SMYD4: variants seen among roughly 807,000 people sequenced by gnomAD.
SMYD4 encodes protein-lysine N-methyltransferase SMYD4.
In SMYD4, 68 loss-of-function variants were observed where a neutral mutation model predicts 72.8. The ratio of observed to expected loss-of-function variants is 0.93; its 90% CI spans 0.77 to 1.14. The LOEUF (loss-of-function observed/expected upper bound fraction) is 1.14, where lower values mean the gene tolerates loss of function less well. SMYD4 is among the 50% of genes most tolerant of loss of function. SMYD4 has a pLI of 0.00. For missense variants in SMYD4, 984 were observed against 1,003.7 expected, an observed-to-expected ratio of 0.98 and a Z score of 0.27; for synonymous variants, 407 against 388.6, an observed-to-expected ratio of 1.05 and a Z score of -0.56.
At chr17:1,784,796 A>C (rs896608320) in intron 7 of SMYD4, among the ~76,000 whole-genome samples, 1 of 151,672 alleles carries the variant, frequency 6.6e-6, no homozygotes, top group Non-Finnish European at 1.5e-5. Context: ...TTTGAGATGG[A>C]GTCTCGCTCG....
At chr17:1,817,510 T>C (rs1300656572) in intron 2 of SMYD4, among the ~76,000 whole-genome samples, 1 of 135,054 alleles carries the variant, frequency 7.4e-6, no homozygotes, top group Non-Finnish European at 1.8e-5. Context: ...CCTGGCTATA[T>C]TATTTGTAGA....
intron 5 of SMYD4, among the ~76,000 whole-genome samples, chr17:1,789,142 C>T (rs915430282): frequency 1.9e-4 from 29 of 152,078 alleles, no homozygotes; most frequent in African/African-American, 6.8e-4. Flanking sequence ...AATCCCAGCA[C>T]TTTGGGAGGC....
At position 1,800,258 on chromosome 17, in the gene SMYD4, A is replaced by G. The variant is rs1407667804; in HGVS notation, c.1136T>C (p.Ile379Thr). The change falls in exon 5 of 11, where the codon ATC (isoleucine) becomes ACC (threonine). Residue 379 changes from isoleucine (I) to threonine (T), a missense_variant. Coordinates refer to ENST00000305513, the MANE Select transcript of SMYD4 (RefSeq NM_052928.3). Reference sequence around the variant, plus strand: ...CTGATTGTTGCTTTCAGGTAAACAGATGTCCTTGTTACTAATCTTATCACA... The same window carrying G: ...CTGATTGTTGCTTTCAGGTAAACAGGTGTCCTTGTTACTAATCTTATCACA... ...KLCDKISNKD[I>T]CLPESNNQVK... 1 of 1,614,108 alleles carries G rather than the reference A, an allele frequency of 6.2e-7. No individual in the cohort carries two copies. The highest frequency in any genetic ancestry group is 1.1e-5 in the South Asian group (1 of 91,080).
intron 5 of SMYD4, among the ~76,000 whole-genome samples, chr17:1,792,046 T>TC (rs955530642): frequency 9.2e-5 from 14 of 151,952 alleles, no homozygotes; most frequent in African/African-American, 3.4e-4. Context: ...AAATACATTT[T>TC]TTTTTTTTTT....
intron 2 of SMYD4, among the ~76,000 whole-genome samples, chr17:1,821,409 G>A (rs1332748365): frequency 2.0e-5 from 3 of 152,068 alleles, no homozygotes; most frequent in Non-Finnish European, 4.4e-5. Context: ...AGCTACTCGG[G>A]AGGTGGAGGC....
At position 1,809,025 on chromosome 17, in the gene SMYD4, C is replaced by T. The variant is rs1017950502; in HGVS notation, c.279+2946G>A. On this transcript the variant is annotated intron_variant, in intron 3 of 10. Coordinates refer to ENST00000305513, the MANE Select transcript of SMYD4 (RefSeq NM_052928.3). ...TGTTAAAGATTCAGAGTAGGATGTA[C>T]ACCCTTCAAATGAAAAACAAATTTT... Among the ~76,000 whole-genome samples, 9 of 152,090 alleles carry T rather than the reference C, an allele frequency of 5.9e-5. No individual in the cohort carries two copies. In the South Asian group the frequency reaches 6.2e-4, roughly 10 times the overall value.
At chr17:1,801,054 C>T (rs749705507) in intron 4 of SMYD4, 30 bp from the exon 5 acceptor site, 2 of 1,550,214 alleles carry the variant, frequency 1.3e-6, no homozygotes, top group Non-Finnish European at 1.8e-6. Flanking sequence ...CCCACAATGA[C>T]CCTTGGTCCC....
At chr17:1,801,433 G>C (rs1464960199) in intron 4 of SMYD4, among the ~76,000 whole-genome samples, 1 of 151,070 alleles carries the variant, frequency 6.6e-6, no homozygotes, top group Non-Finnish European at 1.5e-5. Context: ...GTAGAGACGG[G>C]GTTTTGCCAT....
Position 1,783,078 on chromosome 17 carries a change from T to A in SMYD4, c.2218A>T (p.Met740Leu). 6.2e-7 allele frequency: 1 copy of A among 1,614,182 alleles called. No individual in the cohort carries two copies. Among genetic ancestry groups the A allele is most frequent in the Non-Finnish European group, 8.5e-7 (1 of 1,180,046 alleles). ...EVRHGPSSVEMGHELFKLAQI... is the reference protein window; with the variant it reads ...EVRHGPSSVELGHELFKLAQI... ...GCCAATTTGAAGAGCTCATGGCCCA[T>A]TTCAACACTGGACGGCCCGTGGCGA... The change falls in exon 10 of 11, where the codon ATG (methionine) becomes TTG (leucine). Residue 740 changes from methionine to leucine, a missense_variant. Met to Leu is a conservative substitution (Grantham distance 15, BLOSUM62 2). Coordinates refer to ENST00000305513, the MANE Select transcript of SMYD4 (RefSeq NM_052928.3).
At chr17:1,791,363 T>C (rs1168534108) in intron 5 of SMYD4, among the ~76,000 whole-genome samples, 2 of 152,170 alleles carry the variant, frequency 1.3e-5, no homozygotes, top group Middle Eastern at 3.4e-3. Context: ...TGGGGAACTT[T>C]GATTAAACAG....
chr17:1,800,322 C>T lies in SMYD4; in HGVS notation c.1072G>A (p.Val358Met). ...ATTTTGCGAACATCCTCAAATCCCA[C>T]CAAAAGAGTCAACCTCAGGGCAATG... ...CHIALRLTLL[V>M]GFEDVRKIIT... Residue 358 changes from valine to methionine, a missense_variant, in exon 5 of 11, where the codon GTG becomes ATG. Physicochemically the swap from Val to Met is conservative, Grantham distance 21. Transcript: ENST00000305513. The T allele has an allele frequency of 1.2e-6, 2 of 1,614,088 alleles. No individual in the cohort carries two copies. Among genetic ancestry groups the T allele is most frequent in the African/African-American group, 1.3e-5 (1 of 75,006 alleles).
At chr17:1,804,429 G>C (rs1293189202) in intron 4 of SMYD4, 197 bp downstream of exon 4, 8 of 467,526 alleles carry the variant, frequency 1.7e-5, no homozygotes, top group Non-Finnish European at 3.2e-5. Context: ...CGCCCGCCTT[G>C]ACCTCCCAAA....
intron 1 of SMYD4, among the ~76,000 whole-genome samples, chr17:1,828,979 T>C (rs1236736536): frequency 1.2e-5 from 1 of 82,396 alleles, no homozygotes; most frequent in South Asian, 3.0e-4. Flanking sequence ...AACAAGGTAT[T>C]TCCCTCTCTT....
intron 5 of SMYD4, among the ~76,000 whole-genome samples, chr17:1,787,994 A>G (rs1436152783): frequency 6.6e-6 from 1 of 152,228 alleles, no homozygotes; most frequent in Non-Finnish European, 1.5e-5. Context: ...TTTAGAGCCC[A>G]AGGGCTTTTG....
In SMYD4 at chr17:1,829,859, C is replaced by A; in HGVS notation, c.-146G>T. 1 of 340,690 alleles carries A rather than the reference C, an allele frequency of 2.9e-6. No homozygotes were observed. The highest frequency in any genetic ancestry group is 5.1e-6 in the Non-Finnish European group (1 of 195,772). 21.1% of individuals were successfully genotyped at this position (340,690 alleles called of 1,614,324 possible). A position where few individuals can be genotyped will look rare whatever the true frequency, so the allele number is the denominator to read the frequency against. ...CCTTGGCGCCCCGCTCCGCCCCGCA[C>A]CGCGTCCGGCGTCCCGCGCCAGGCC... On this transcript the variant is annotated 5_prime_UTR_variant, in exon 1 of 11. Transcript: ENST00000305513.
intron 10 of SMYD4, 76 bp from the exon 11 acceptor site, chr17:1,781,515 C>T (rs971388821): frequency 3.8e-5 from 56 of 1,491,666 alleles, no homozygotes; most frequent in Middle Eastern, 1.8e-4. Flanking sequence ...ACTCACACAC[C>T]GTGAAGAATG....
chr17:1,804,890 G>T (rs1367575721), intron 3 of SMYD4, among the ~76,000 whole-genome samples, 175 bp from the exon 4 acceptor site: 2 of 152,170 alleles, frequency 1.3e-5, no homozygotes, highest in East Asian at 3.8e-4. Context: ...TGAAGAGCAA[G>T]TGAGGACATC....
intron 5 of SMYD4, among the ~76,000 whole-genome samples, chr17:1,796,725 G>A (rs1396589179): frequency 1.3e-5 from 2 of 152,096 alleles, no homozygotes; most frequent in African/African-American, 4.8e-5. Context: ...ATGAGCCACC[G>A]CGCCCAGCCC....
intron 2 of SMYD4, among the ~76,000 whole-genome samples, chr17:1,817,557 C>A (rs564454190): frequency 9.9e-5 from 15 of 152,232 alleles, no homozygotes; most frequent in Admixed American, 7.2e-4. Context: ...TGGTCTCGAA[C>A]TCCTGGGCTC....
Sources: gnomAD v4.1 joint callset for allele counts (sites outside exome capture counted in the v4.1 genomes callset) on GRCh38, gnomAD v4.1.1 for gene constraint, MANE v1.5 for transcripts, NCBI Gene and HGNC (gene_info 2026-07-23, HGNC 2026-07-21) for gene names.